The following NRXN1 variants were observed in gnomAD, a reference collection of about 807,000 sequenced individuals.
NRXN1 encodes the protein neurexin 1.
A neutral mutation model predicts 150.9 loss-of-function variants in NRXN1; 39 were observed. The ratio of observed to expected loss-of-function variants is 0.26; its 90% CI spans 0.20 to 0.34. NRXN1 has a LOEUF of 0.34. Among genes scored for constraint, NRXN1 ranks in the 10% least tolerant of loss-of-function variants. NRXN1 has a pLI of 1.00. For missense variants in NRXN1, 1,815 were observed against 1,949.9 expected (o/e 0.93, Z 1.30); for synonymous variants, 924 against 757.0 (o/e 1.22, Z -3.62).
intron 5 of NRXN1, among the ~76,000 whole-genome samples, chr2:50,904,494 T>TGTGAGGGGATGTCAGAGGTA (rs1683386012): frequency 6.6e-6 from 1 of 152,088 alleles, no homozygotes; most frequent in African/African-American, 2.4e-5. Flanking sequence ...TGTGGAAACT[T>TGTGAGGGGATGTCAGAGGTA]GTGAGGGGAT....
At chr2:50,030,001 GATGCA>G (rs1688953378) in intron 21 of NRXN1, among the ~76,000 whole-genome samples, 1 of 152,134 alleles carries the variant, frequency 6.6e-6, no homozygotes, top group East Asian at 1.9e-4. Flanking sequence ...AATGCTCAAA[GATGCA>G]AATGCAAGCA....
chr2:50,835,502 T>A (rs1048281924), intron 5 of NRXN1, among the ~76,000 whole-genome samples: 2 of 152,178 alleles, frequency 1.3e-5, no homozygotes, highest in Non-Finnish European at 2.9e-5. Context: ...AAAGCAAATT[T>A]TAGATTAATC....
intron 8 of NRXN1, among the ~76,000 whole-genome samples, chr2:50,616,837 C>T (rs369676817): frequency 3.9e-5 from 6 of 152,234 alleles, no homozygotes; most frequent in African/African-American, 7.2e-5. Flanking sequence ...AATAAAAATG[C>T]CATCAGCCAA....
chr2:50,386,473 G>A (rs1235410901), intron 17 of NRXN1, among the ~76,000 whole-genome samples: 3 of 151,804 alleles, frequency 2.0e-5, no homozygotes, highest in East Asian at 3.9e-4. Context: ...GGAATTGAGC[G>A]GTTGTCTTTT....
intron 21 of NRXN1, among the ~76,000 whole-genome samples, chr2:50,031,945 G>C (rs148157262): frequency 2.0e-4 from 30 of 152,084 alleles, no homozygotes; most frequent in Admixed American, 8.5e-4. Context: ...TATAAATTCT[G>C]AGAAATTGGA....
chr2:50,822,743 C>A (rs559824372), intron 5 of NRXN1, among the ~76,000 whole-genome samples: 1 of 152,148 alleles, frequency 6.6e-6, no homozygotes, highest in East Asian at 1.9e-4. Context: ...TCTTCCCTAC[C>A]AAATTTAATA....
At chr2:50,520,614 T>A (rs1278855349) in intron 12 of NRXN1, among the ~76,000 whole-genome samples, 1 of 151,992 alleles carries the variant, frequency 6.6e-6, no homozygotes, top group Non-Finnish European at 1.5e-5. Flanking sequence ...GAGATGCTGA[T>A]TACTTCTTCA....
chr2:50,340,480 C>T (rs2077473869), intron 17 of NRXN1, among the ~76,000 whole-genome samples: 1 of 152,122 alleles, frequency 6.6e-6, no homozygotes, highest in Non-Finnish European at 1.5e-5. Flanking sequence ...AGCCTGACCA[C>T]CACGCCATGG....
chr2:50,290,449 A>G (rs1335884197), intron 17 of NRXN1, among the ~76,000 whole-genome samples: 2 of 152,208 alleles, frequency 1.3e-5, no homozygotes, highest in Non-Finnish European at 2.9e-5. Context: ...GTTCCTTGAT[A>G]CAAGTCATAG....
intron 18 of NRXN1, among the ~76,000 whole-genome samples, chr2:50,214,140 G>T (rs555320013): frequency 6.6e-6 from 1 of 151,952 alleles, no homozygotes; most frequent in African/African-American, 2.4e-5. Flanking sequence ...TCATAACTTT[G>T]ATTTTCAGCT....
At chr2:50,020,421 T>C (rs1687392996) in intron 21 of NRXN1, among the ~76,000 whole-genome samples, 1 of 152,204 alleles carries the variant, frequency 6.6e-6, no homozygotes, top group South Asian at 2.1e-4. Flanking sequence ...ATATGAAAAC[T>C]CACAAGTTTT....
intron 21 of NRXN1, among the ~76,000 whole-genome samples, chr2:50,004,439 T>G (rs11893341): frequency 0.11 from 16,519 of 152,110 alleles, 946 homozygotes; most frequent in Middle Eastern, 0.21. Context: ...TTAAAAATTG[T>G]TTTTGGAAGC....
At chr2:50,772,508 A>T (rs1703133146) in intron 5 of NRXN1, among the ~76,000 whole-genome samples, 1 of 149,244 alleles carries the variant, frequency 6.7e-6, no homozygotes. Flanking sequence ...TTGGTTTTAC[A>T]AAAAAAAAAT....
intron 5 of NRXN1, among the ~76,000 whole-genome samples, chr2:50,784,477 G>C (rs1326356562): frequency 6.6e-6 from 1 of 151,858 alleles, no homozygotes; most frequent in Non-Finnish European, 1.5e-5. Context: ...GAAAAGAAAA[G>C]CATGAAAAAA....
At chr2:50,448,977 T>C (rs1330734769) in intron 17 of NRXN1, among the ~76,000 whole-genome samples, 1 of 152,162 alleles carries the variant, frequency 6.6e-6, no homozygotes, top group African/African-American at 2.4e-5. Flanking sequence ...GAACGCCAAA[T>C]GACTGACTCT....
chr2:50,374,939 G>A (rs1051962562), intron 17 of NRXN1, among the ~76,000 whole-genome samples: 1 of 152,098 alleles, frequency 6.6e-6, no homozygotes, highest in Non-Finnish European at 1.5e-5. Context: ...ATGAAATGCT[G>A]CAAGTCTATT....
chr2:50,655,636 A>AT (rs919002710), intron 5 of NRXN1, among the ~76,000 whole-genome samples: 1 of 150,262 alleles, frequency 6.7e-6, no homozygotes, highest in Non-Finnish European at 1.5e-5. Context: ...GAATAGTTAT[A>AT]TTTTTTGTGT....
chr2:50,837,251 T>C (rs1443831451), intron 5 of NRXN1, among the ~76,000 whole-genome samples: 1 of 152,158 alleles, frequency 6.6e-6, no homozygotes, highest in Non-Finnish European at 1.5e-5. Flanking sequence ...CAACTAAATA[T>C]TCTGAAGAAT....
At chr2:50,013,273 C>CTTTTT (rs3046630) in intron 21 of NRXN1, among the ~76,000 whole-genome samples, 107,005 of 135,736 alleles carry the variant, frequency 0.79, 42,573 homozygotes, top group Admixed American at 0.85. Flanking sequence ...ATTAAAGTTT[C>CTTTTT]TTTTTTTTTT....
Sources: allele counts gnomAD v4.1 joint callset (sites outside exome capture counted in the v4.1 genomes callset), GRCh38; gene constraint gnomAD v4.1.1; transcripts MANE v1.5; gene names NCBI Gene and HGNC (gene_info 2026-07-23, HGNC 2026-07-21).